SLC24A4: variants seen among roughly 807,000 people sequenced by gnomAD.
SLC24A4 encodes the protein sodium/potassium/calcium exchanger 4.
A neutral mutation model predicts 79.0 loss-of-function variants in SLC24A4; 53 were observed. That is an observed-to-expected ratio of 0.67 (90% CI 0.54 to 0.84). The LOEUF (loss-of-function observed/expected upper bound fraction) is 0.84, where lower values mean the gene tolerates loss of function less well. Among genes scored for constraint, SLC24A4 ranks in the 40% least tolerant of loss-of-function variants. The pLI is 0.00. For synonymous variants in SLC24A4, 323 were observed against 323.8 expected (o/e 1.00, Z 0.03); for missense variants, 731 against 822.0 (o/e 0.89, Z 1.35).
In SLC24A4 at chr14:92,493,664, C is replaced by T. The variant is rs541578459; in HGVS notation, c.*36C>T. The T allele has an allele frequency of 4.4e-5, 71 of 1,609,874 alleles. 1 individual carries two copies. The South Asian group carries it at 6.2e-4, about 14-fold the overall frequency. On this transcript the variant is annotated 3_prime_UTR_variant, in exon 17 of 17. Coordinates refer to ENST00000532405, the MANE Select transcript of SLC24A4 (RefSeq NM_153646.4). ...CGGCCCCTGGGAGCTGATCTGGACACCCTGTGACACTGGCGTTCTCCTCTC... is the reference window on the plus strand; with the variant it reads ...CGGCCCCTGGGAGCTGATCTGGACATCCTGTGACACTGGCGTTCTCCTCTC...
chr14:92,369,624 A>C (rs780427437), intron 2 of SLC24A4, among the ~76,000 whole-genome samples: 6 of 152,362 alleles, frequency 3.9e-5, no homozygotes, highest in South Asian at 2.1e-4. Flanking sequence ...AATCAAGAAT[A>C]AATTCGTCGA....
chr14:92,349,290 G>A (rs1199752114), intron 2 of SLC24A4, among the ~76,000 whole-genome samples: 1 of 152,030 alleles, frequency 6.6e-6, no homozygotes. Flanking sequence ...CTCCTGAGTA[G>A]CTGGGATTAC....
chr14:92,384,992 G>A (rs961682302), intron 2 of SLC24A4, among the ~76,000 whole-genome samples: 4 of 152,304 alleles, frequency 2.6e-5, no homozygotes, highest in South Asian at 4.1e-4. Context: ...GGGGGATAAG[G>A]TTACCTAAGA....
At chr14:92,474,843 G>GTGTGTGTGTGTATATATATATATATATA in intron 12 of SLC24A4, among the ~76,000 whole-genome samples, 1 of 23,884 alleles carries the variant, frequency 4.2e-5, no homozygotes, top group Non-Finnish European at 1.2e-4. Flanking sequence ...GTGTGTGTGT[G>GTGTGTGTGTGTATATATATATATATATA]TATATATATA....
intron 2 of SLC24A4, among the ~76,000 whole-genome samples, chr14:92,362,334 CTTCTTG>C (rs1490891876): frequency 6.6e-6 from 1 of 152,140 alleles, no homozygotes; most frequent in East Asian, 1.9e-4. Context: ...CTTCTGGCCC[CTTCTTG>C]TTGCTCTAAC....
chr14:92,471,321 C>T (rs901419865), intron 12 of SLC24A4, among the ~76,000 whole-genome samples: 2 of 152,182 alleles, frequency 1.3e-5, no homozygotes, highest in African/African-American at 2.4e-5. Context: ...GAGTCTCCTT[C>T]TCCTTATCCA....
intron 2 of SLC24A4, among the ~76,000 whole-genome samples, chr14:92,375,599 C>T (rs1185442284): frequency 6.6e-6 from 1 of 152,186 alleles, no homozygotes; most frequent in African/African-American, 2.4e-5. Context: ...GTGCTATGTC[C>T]ATATAATGGA....
At chr14:92,329,339 T>C (rs1885335360) in intron 2 of SLC24A4, among the ~76,000 whole-genome samples, 1 of 152,244 alleles carries the variant, frequency 6.6e-6, no homozygotes, top group Admixed American at 6.5e-5. Context: ...GGAAGAACTT[T>C]ATTTTCCAAA....
chr14:92,422,985 A>G (rs1446659026), intron 2 of SLC24A4, among the ~76,000 whole-genome samples: 2 of 151,886 alleles, frequency 1.3e-5, no homozygotes, highest in Non-Finnish European at 2.9e-5. Context: ...TAATTTTTGT[A>G]TTTTTTTAAG....
chr14:92,418,267 G>C (rs899010514), intron 2 of SLC24A4, among the ~76,000 whole-genome samples: 8 of 152,166 alleles, frequency 5.3e-5, no homozygotes, highest in African/African-American at 1.9e-4. Flanking sequence ...GAGTGCTGAG[G>C]GGGTCCCTGG....
chr14:92,447,520 C>A, intron 9 of SLC24A4, 96 bp downstream of exon 9: 4 of 1,245,488 alleles, frequency 3.2e-6, no homozygotes, highest in Non-Finnish European at 4.7e-6. Context: ...TCTGTCAGAT[C>A]TTTGTCCTTT....
chr14:92,354,751 G>A (rs1031455189), intron 2 of SLC24A4, among the ~76,000 whole-genome samples: 1 of 152,090 alleles, frequency 6.6e-6, no homozygotes, highest in Non-Finnish European at 1.5e-5. Flanking sequence ...GGCTCCCAGA[G>A]CACACTTGGA....
intron 2 of SLC24A4, among the ~76,000 whole-genome samples, chr14:92,418,025 G>A (rs945741936): frequency 6.6e-6 from 1 of 152,226 alleles, no homozygotes; most frequent in African/African-American, 2.4e-5. Context: ...CTACTTTACA[G>A]AAGGAGAAGC....
intron 2 of SLC24A4, among the ~76,000 whole-genome samples, chr14:92,351,215 C>G (rs1886841163): frequency 6.6e-6 from 1 of 151,414 alleles, no homozygotes; most frequent in Non-Finnish European, 1.5e-5. Flanking sequence ...CTCTCTCTCT[C>G]TTTCACACAC....
chr14:92,326,325 A>G (rs1009168032), intron 2 of SLC24A4, among the ~76,000 whole-genome samples: 1 of 151,976 alleles, frequency 6.6e-6, no homozygotes, highest in Non-Finnish European at 1.5e-5. Context: ...CACTGTATCC[A>G]TTACTGGAGC....
chr14:92,399,226 A>C (rs1462161381), intron 2 of SLC24A4, among the ~76,000 whole-genome samples: 1 of 152,192 alleles, frequency 6.6e-6, no homozygotes, highest in Non-Finnish European at 1.5e-5. Context: ...CGAGTTAAAA[A>C]TGTCACTCTG....
chr14:92,448,986 C>T (rs998249166), intron 9 of SLC24A4, 88 bp from the exon 10 acceptor site: 41 of 1,508,306 alleles, frequency 2.7e-5, no homozygotes, highest in African/African-American at 2.3e-4. Context: ...GTGCTGACTG[C>T]GTGCAGGGAT....
intron 2 of SLC24A4, among the ~76,000 whole-genome samples, chr14:92,430,643 A>T (rs971914056): frequency 2.6e-5 from 4 of 152,130 alleles, no homozygotes; most frequent in African/African-American, 9.7e-5. Context: ...ACCAAGAGTG[A>T]TGGAAGCCAC....
rs1895845344 is a variant in SLC24A4, at chr14:92,494,099, T to C, written c.*471T>C. On this transcript the variant is annotated 3_prime_UTR_variant, in exon 17 of 17. Transcript: ENST00000532405. The surrounding 1 kb of genome is among the most constrained non-coding windows in gnomAD (Gnocchi z 4.6). ...TGGTTCCTTAGGCAGCATGTGCTCC[T>C]GGGAGCCTCTGACTTTTGCTGGAAG... is the stretch of plus-strand genomic sequence containing the variant. 6.4e-6 allele frequency: 1 copy of C among 156,220 alleles called. No homozygotes were observed. Among genetic ancestry groups the C allele is most frequent in the Non-Finnish European group, 1.4e-5 (1 of 70,090 alleles). 9.7% of individuals were successfully genotyped at this position (156,220 alleles called of 1,614,324 possible).
Sources: gnomAD v4.1 joint callset for allele counts (sites outside exome capture counted in the v4.1 genomes callset) on GRCh38, gnomAD v4.1.1 for gene constraint, Gnocchi (gnomAD v3.1) non-coding constraint, MANE v1.5 for transcripts, NCBI Gene and HGNC (gene_info 2026-07-23, HGNC 2026-07-21) for gene names.